Variants in MIB2 observed in about 807,000 individuals in gnomAD.
MIB2 encodes the protein MIB E3 ubiquitin protein ligase 2.
Under a neutral mutation model 96.6 loss-of-function variants are expected in MIB2, and 78 were observed. The ratio of observed to expected loss-of-function variants is 0.81; its 90% confidence interval spans 0.67 to 0.97. The LOEUF is 0.97. MIB2 is among the 50% of genes least tolerant of loss of function. MIB2 has a pLI of 0.00. For missense variants in MIB2, 1,543 were observed against 1,424.0 expected (o/e 1.08, Z -1.35); for synonymous variants, 820 against 629.5 (o/e 1.30, Z -4.53).
In MIB2 at chr1:1,628,654, C is replaced by T. The variant is rs1331985235; in HGVS notation, c.2134C>T (p.His712Tyr). Residue 712 changes from histidine to tyrosine, a missense_variant, in exon 16 of 20, where the codon CAT (histidine) becomes TAT (tyrosine). Coordinates refer to ENST00000355826, the MANE Select transcript of MIB2 (RefSeq NM_001170687.4). ...AGCCCTGCACGTGGCGCTGCAGCGTCATCAGCTGCTGCCCCTGGTGGCTGA... is the reference window on the plus strand; with the variant it reads ...AGCCCTGCACGTGGCGCTGCAGCGTTATCAGCTGCTGCCCCTGGTGGCTGA... ...DTALHVALQR[H>Y]QLLPLVADGA... 1 of 1,590,854 alleles carries T rather than the reference C, an allele frequency of 6.3e-7. No individual in the cohort carries two copies. The highest frequency in any genetic ancestry group is 8.5e-7 in the Non-Finnish European group (1 of 1,171,876).
rs1483643988 is a variant in MIB2 at position 1,629,701 on chromosome 1, C to G, written c.2626C>G (p.Pro876Ala). The G allele has an allele frequency of 1.3e-6, 2 of 1,594,228 alleles. No homozygotes were observed. Among genetic ancestry groups the G allele is most frequent in the Non-Finnish European group, 1.7e-6 (2 of 1,170,846 alleles). ...CQVVVSKKLR[P>A]DGSEVASAAP... Reference sequence around the variant, plus strand: ...GGTGGTCGTCAGCAAGAAACTGCGCCCAGGTGGGTGAGGCTCTGCGCCCCC... The same window carrying G: ...GGTGGTCGTCAGCAAGAAACTGCGCGCAGGTGGGTGAGGCTCTGCGCCCCC... The change falls in exon 19 of 20, where the codon CCA becomes GCA. Residue 876 changes from proline (P) to alanine (A), a missense_variant. Pro to Ala is a conservative substitution (Grantham distance 27). Transcript: ENST00000355826.
At chr1:1,621,672 C>A (rs1045278526) in intron 2 of MIB2, among the ~76,000 whole-genome samples, 7 of 152,244 alleles carry the variant, frequency 4.6e-5, no homozygotes, top group Non-Finnish European at 1.0e-4. Flanking sequence ...CCACCCATTC[C>A]TGTGGAAGCT....
At chr1:1,614,012 G>T (rs1643392935), upstream of MIB2, 1 of 152,116 alleles carries the variant, frequency 6.6e-6, no homozygotes, top group African/African-American at 2.4e-5. Flanking sequence ...CTGGCCATGG[G>T]TTAGTAAAAA....
In MIB2 at chr1:1,627,745, C is replaced by A; in HGVS notation, c.1596C>A (p.Ser532Arg). 1 of 1,596,580 alleles carries A rather than the reference C, an allele frequency of 6.3e-7. No individual in the cohort carries two copies. Among genetic ancestry groups the A allele is most frequent in the Non-Finnish European group, 8.5e-7 (1 of 1,178,918 alleles). The change falls in exon 13 of 20, where the codon AGC (serine) becomes AGA (arginine). Residue 532 changes from serine (S) to arginine (R), a missense_variant. Physicochemically the swap from Ser to Arg is moderately radical, Grantham distance 110 (BLOSUM62 -1). Coordinates refer to ENST00000355826, the MANE Select transcript of MIB2 (RefSeq NM_001170687.4). Reference protein sequence around the residue: ...CRADAINSTQSTALHVAVQRG... With the variant: ...CRADAINSTQRTALHVAVQRG... Reference sequence around the variant, plus strand: ...CGGACGCCATCAACAGCACCCAGAGCACAGCACTGCACGTGGCCGTGCAGA... The same window carrying A: ...CGGACGCCATCAACAGCACCCAGAGAACAGCACTGCACGTGGCCGTGCAGA...
At chr1:1,627,468 C>T (rs929762151) in intron 12 of MIB2, 24 bp downstream of exon 12, 31 of 1,584,514 alleles carry the variant, frequency 2.0e-5, no homozygotes, top group Non-Finnish European at 2.3e-5. Flanking sequence ...GGGGCCCGGC[C>T]GGCGGGGCTG....
upstream of MIB2, chr1:1,614,240 G>C (rs1001566619): frequency 1.3e-5 from 2 of 152,180 alleles, no homozygotes; most frequent in African/African-American, 4.8e-5. Context: ...GGCCACGAAG[G>C]GGGAGCTCTC....
chr1:1,624,265 G>T, intron 4 of MIB2: 2 of 448,724 alleles, frequency 4.5e-6, no homozygotes, highest in Non-Finnish European at 8.0e-6. Context: ...GCATCAGCTC[G>T]GGGAGAATCT....
rs750956188 is a variant in MIB2, at chr1:1,626,644, G to A, written c.973-6G>A. 11 of 1,555,454 alleles carry A rather than the reference G, an allele frequency of 7.1e-6. No homozygotes were observed. The highest frequency in any genetic ancestry group is 6.8e-5 in the East Asian group (3 of 44,170). On this transcript the variant is annotated splice_polypyrimidine_tract_variant and splice_region_variant and intron_variant, in intron 8 of 19. Coordinates refer to ENST00000355826, the MANE Select transcript of MIB2 (RefSeq NM_001170687.4). This position sits in a 1 kb window ranked among gnomAD's most constrained non-coding sequence, Gnocchi z 5.3. ...GGGGCCCCTCACGCCCCTCTTTGTC[G>A]CTCAGCACCACTCCTTCTGGGTGGG...
At chr1:1,618,038 A>T (rs374627520) in intron 2 of MIB2, 1 of 152,410 alleles carries the variant, frequency 6.6e-6, no homozygotes, top group East Asian at 1.9e-4. Flanking sequence ...CACGATGTAC[A>T]CCAGGGGCTG....
chr1:1,628,864 C>G, intron 16 of MIB2, 142 bp downstream of exon 16: 1 of 826,350 alleles, frequency 1.2e-6, no homozygotes, highest in African/African-American at 1.7e-5. Flanking sequence ...CAGATGGGAG[C>G]CAAGTTCTAT....
At chr1:1,615,334 G>A, upstream of MIB2, 5 of 1,393,794 alleles carry the variant, frequency 3.6e-6, no homozygotes, top group Non-Finnish European at 4.6e-6. Context: ...GACCGCCACT[G>A]CGCAGGCGCC....
In MIB2 at chr1:1,629,646, G is replaced by T; in HGVS notation, c.2571G>T (p.Ala857=). 6.3e-7 allele frequency: 1 copy of T among 1,595,722 alleles called. No individual in the cohort carries two copies. The highest frequency in any genetic ancestry group is 1.1e-5 in the South Asian group (1 of 88,912). Reference sequence around the variant, plus strand: ...GCGCTCTCCTCTTCGCAGAGTGCGCGCGCAGGATGAAGAAGTGCATCAGGT... The same window carrying T: ...GCGCTCTCCTCTTCGCAGAGTGCGCTCGCAGGATGAAGAAGTGCATCAGGT... ...CQHRTVCEEC[A]RRMKKCIRCQ... is the part of the protein sequence containing the mutation. The change falls in exon 19 of 20, where the codon GCG becomes GCT. Residue 857 remains alanine (A), a synonymous_variant. Transcript: ENST00000355826.
In MIB2 at chr1:1,629,181, G is replaced by A; in HGVS notation, c.2251G>A (p.Ala751Thr). 1 of 1,508,344 alleles carries A rather than the reference G, an allele frequency of 6.6e-7. No individual in the cohort carries two copies. The highest frequency in any genetic ancestry group is 8.8e-7 in the Non-Finnish European group (1 of 1,136,498). 93.4% of individuals were successfully genotyped at this position (1,508,344 alleles called of 1,614,324 possible). A position where few individuals can be genotyped will look rare whatever the true frequency, so the allele number is the denominator to read the frequency against. Reference protein sequence around the residue: ...PGSAELTVGAAVACFLALEGA... With the variant: ...PGSAELTVGATVACFLALEGA... ...CAGCGCGGAGCTGACGGTGGGCGCG[G>A]CGGTCGCCTGCTTCCTGGCGCTGGA... Residue 751 changes from alanine (A) to threonine (T), a missense_variant, in exon 17 of 20, where the codon GCG becomes ACG. Ala to Thr is a moderately conservative substitution (Grantham distance 58). Coordinates refer to ENST00000355826, the MANE Select transcript of MIB2 (RefSeq NM_001170687.4).
In MIB2 at chr1:1,623,704, G is replaced by T. The variant is rs770187314; in HGVS notation, c.247+5G>T. On this transcript the variant is annotated splice_donor_5th_base_variant and intron_variant, in intron 3 of 19. Transcript: ENST00000355826. ...TGTACGACAACGCCCAGATCGGTGCGCGCCAAGGGCAGGCGGGACGGGCAG... is the reference window on the plus strand; with the variant it reads ...TGTACGACAACGCCCAGATCGGTGCTCGCCAAGGGCAGGCGGGACGGGCAG... 2 of 1,523,824 alleles carry T rather than the reference G, an allele frequency of 1.3e-6. No homozygotes were observed. The highest frequency in any genetic ancestry group is 2.0e-5 in the Admixed American group (1 of 49,130). The allele number at this position is 1,523,824 out of a possible 1,614,324, so 94.4% of individuals were successfully genotyped here.
chr1:1,615,323 G>A, upstream of MIB2: 3 of 1,385,056 alleles, frequency 2.2e-6, no homozygotes, highest in East Asian at 2.9e-5. Context: ...TGCGTCTCTA[G>A]GACCGCCACT....
At chr1:1,627,624 C>T in intron 12 of MIB2, 49 bp from the exon 13 acceptor site, 1 of 1,553,158 alleles carries the variant, frequency 6.4e-7, no homozygotes, top group Non-Finnish European at 8.6e-7. Context: ...GCCTGTGCGT[C>T]CAGCCACCGG....
Position 1,627,013 on chromosome 1 carries a change from CA to C in MIB2, c.1240+15del. 6.2e-7 allele frequency: 1 copy of C among 1,608,958 alleles called. No homozygotes were observed. Among genetic ancestry groups the C allele is most frequent in the Non-Finnish European group, 8.5e-7 (1 of 1,178,340 alleles). ...GGGAGAACAAAAGTGCGGCACAGCT[CA>C]GGCGGCCAGTGGGAGGTGGGGCTGC... On this transcript the variant is annotated intron_variant, in intron 10 of 19. Transcript: ENST00000355826.
rs1303211573 is a variant in MIB2, at chr1:1,627,266, C to T, written c.1375-30C>T. ...AGTCTGAGAGTGAGGGGCAGAGGGC[C>T]AGGGACTCACCTGCTGGCACTCTTG... is the stretch of plus-strand genomic sequence containing the variant. On this transcript the variant is annotated intron_variant, in intron 11 of 19. Coordinates refer to ENST00000355826, the MANE Select transcript of MIB2 (RefSeq NM_001170687.4). 4 of 1,613,058 alleles carry T rather than the reference C, an allele frequency of 2.5e-6. No individual in the cohort carries two copies. In the South Asian group the frequency reaches 3.3e-5, roughly 13 times the overall value.
upstream of MIB2, chr1:1,614,219 TGGAGTC>T (rs1224236040): frequency 6.6e-6 from 1 of 152,190 alleles, no homozygotes; most frequent in Admixed American, 6.5e-5. Flanking sequence ...CCTAAACAAA[TGGAGTC>T]GGGAGGCCAC....
Sources: gnomAD v4.1 joint callset for allele counts (sites outside exome capture counted in the v4.1 genomes callset) on GRCh38, gnomAD v4.1.1 for gene constraint, Gnocchi (gnomAD v3.1) non-coding constraint, MANE v1.5 for transcripts, NCBI Gene and HGNC (gene_info 2026-07-23, HGNC 2026-07-21) for gene names.